TAFA1: variants seen among roughly 807,000 people sequenced by gnomAD.
TAFA1 encodes TAFA chemokine like family member 1, also known as chemokine-like protein TAFA-1.
In TAFA1, 4 loss-of-function variants were observed where a neutral mutation model predicts 18.5. That is an observed-to-expected ratio of 0.22 (90% CI 0.11 to 0.49). TAFA1 has a LOEUF of 0.49. Among genes scored for constraint, TAFA1 ranks in the 20% least tolerant of loss-of-function variants. The pLI, the probability that TAFA1 is intolerant of heterozygous loss-of-function variation, is 0.98. For synonymous variants in TAFA1, 56 were observed against 55.2 expected, an observed-to-expected ratio of 1.01 and a Z score of -0.06; for missense variants, 147 against 169.0, an observed-to-expected ratio of 0.87 and a Z score of 0.72.
chr3:68,483,239 A>G (rs960228122), intron 3 of TAFA1, among the ~76,000 whole-genome samples: 11 of 152,116 alleles, frequency 7.2e-5, no homozygotes, highest in African/African-American at 2.2e-4. Flanking sequence ...ATAGATATAC[A>G]TGTCAGGGGT....
intron 2 of TAFA1, among the ~76,000 whole-genome samples, chr3:68,251,068 G>A (rs2067186576): frequency 6.7e-6 from 1 of 149,126 alleles, no homozygotes; most frequent in Non-Finnish European, 1.5e-5. Flanking sequence ...GTAGATTATT[G>A]TTAATCAAGA....
At chr3:68,421,682 T>A (rs902293606) in intron 3 of TAFA1, among the ~76,000 whole-genome samples, 2 of 152,150 alleles carry the variant, frequency 1.3e-5, no homozygotes, top group Admixed American at 6.6e-5. Flanking sequence ...ATTTCTACTT[T>A]TTAAGATTGT....
chr3:68,068,164 T>G (rs536386094), intron 2 of TAFA1, among the ~76,000 whole-genome samples: 1 of 152,190 alleles, frequency 6.6e-6, no homozygotes, highest in South Asian at 2.1e-4. Context: ...ACTTTTAACT[T>G]AAAAAAAGTT....
At chr3:68,416,650 T>C (rs1292590021) in intron 2 of TAFA1, among the ~76,000 whole-genome samples, 2 of 152,206 alleles carry the variant, frequency 1.3e-5, no homozygotes, top group African/African-American at 2.4e-5. Context: ...TTCTGATGAA[T>C]GCATGGATGA....
At chr3:68,508,681 G>A (rs942730232) in intron 3 of TAFA1, among the ~76,000 whole-genome samples, 5 of 151,864 alleles carry the variant, frequency 3.3e-5, no homozygotes, top group African/African-American at 1.2e-4. Flanking sequence ...TTCTTATGAG[G>A]GAAATCAGAC....
chr3:68,226,505 A>G (rs1233968007), intron 2 of TAFA1, among the ~76,000 whole-genome samples: 1 of 152,130 alleles, frequency 6.6e-6, no homozygotes, highest in Non-Finnish European at 1.5e-5. Flanking sequence ...TGAAGTTCCA[A>G]TATAGGAGAC....
intron 2 of TAFA1, among the ~76,000 whole-genome samples, chr3:68,116,048 A>G (rs529942110): frequency 3.9e-5 from 6 of 152,244 alleles, no homozygotes; most frequent in East Asian, 3.9e-4. Context: ...CGAGGTCAGG[A>G]GAGTGAGACC....
At chr3:68,342,931 A>G (rs976012270) in intron 2 of TAFA1, among the ~76,000 whole-genome samples, 7 of 152,180 alleles carry the variant, frequency 4.6e-5, no homozygotes, top group African/African-American at 1.4e-4. Context: ...TTCTTCACAC[A>G]CACAAAGTAT....
At chr3:68,151,332 AG>A (rs2065803814) in intron 2 of TAFA1, among the ~76,000 whole-genome samples, 1 of 152,180 alleles carries the variant, frequency 6.6e-6, no homozygotes. Flanking sequence ...AAGTGGCTTT[AG>A]GCAAGATTAT....
chr3:68,518,107 C>T (rs1046597306), intron 3 of TAFA1, among the ~76,000 whole-genome samples: 1 of 152,214 alleles, frequency 6.6e-6, no homozygotes, highest in Non-Finnish European at 1.5e-5. Flanking sequence ...GATCCTTTAG[C>T]ACTCATTGCA....
intron 2 of TAFA1, among the ~76,000 whole-genome samples, chr3:68,034,503 T>G (rs572438278): frequency 6.6e-6 from 1 of 152,326 alleles, no homozygotes; most frequent in Admixed American, 6.5e-5. Context: ...CCAAGCAGTC[T>G]GATTTCAGAC....
intron 2 of TAFA1, among the ~76,000 whole-genome samples, chr3:68,244,399 G>C (rs907041151): frequency 6.6e-6 from 1 of 151,962 alleles, no homozygotes; most frequent in Non-Finnish European, 1.5e-5. Flanking sequence ...TTAGATTTAT[G>C]ACCATGATCC....
chr3:68,157,485 G>GA (rs920443914), intron 2 of TAFA1, among the ~76,000 whole-genome samples: 2 of 151,648 alleles, frequency 1.3e-5, no homozygotes, highest in Admixed American at 6.6e-5. Flanking sequence ...GAGCAAACAG[G>GA]AAAAAAAATA....
intron 4 of TAFA1, among the ~76,000 whole-genome samples, chr3:68,543,143 A>T (rs1417995444): frequency 6.6e-6 from 1 of 152,174 alleles, no homozygotes; most frequent in South Asian, 2.1e-4. Context: ...TTTGCCTGAC[A>T]TCATTCTCAG....
chr3:68,069,401 A>T (rs975974223), intron 2 of TAFA1, among the ~76,000 whole-genome samples: 1 of 152,146 alleles, frequency 6.6e-6, no homozygotes, highest in African/African-American at 2.4e-5. Context: ...CTATCATGAG[A>T]ACAGCATGGG....
At chr3:68,008,430 G>C (rs1403567103) in intron 2 of TAFA1, among the ~76,000 whole-genome samples, 2 of 152,198 alleles carry the variant, frequency 1.3e-5, no homozygotes, top group Non-Finnish European at 2.9e-5. Context: ...CAACTACTAC[G>C]TGTATGTTTT....
intron 3 of TAFA1, among the ~76,000 whole-genome samples, chr3:68,480,264 A>G (rs2072205449): frequency 1.3e-5 from 2 of 151,120 alleles, no homozygotes; most frequent in Non-Finnish European, 2.9e-5. Flanking sequence ...TTAGCCAGGC[A>G]TGTTGGCACT....
chr3:68,320,932 G>T (rs898154894), intron 2 of TAFA1, among the ~76,000 whole-genome samples: 1 of 152,136 alleles, frequency 6.6e-6, no homozygotes, highest in East Asian at 1.9e-4. Flanking sequence ...CTAAGGAGGC[G>T]CTGGGCATGG....
intron 2 of TAFA1, among the ~76,000 whole-genome samples, chr3:68,411,965 G>C (rs2070727714): frequency 6.6e-6 from 1 of 152,114 alleles, no homozygotes; most frequent in African/African-American, 2.4e-5. Context: ...GGGTTCCACT[G>C]TGTCCACCAA....
Sources: gnomAD v4.1 joint callset for allele counts (sites outside exome capture counted in the v4.1 genomes callset) on GRCh38, gnomAD v4.1.1 for gene constraint, MANE v1.5 for transcripts, NCBI Gene and HGNC (gene_info 2026-07-23, HGNC 2026-07-21) for gene names.